The following ATP10A variants were observed in gnomAD, a reference collection of about 807,000 sequenced individuals.
ATP10A encodes phospholipid-transporting ATPase VA.
A neutral mutation model predicts 147.8 loss-of-function variants in ATP10A; 111 were observed. The observed-to-expected ratio is 0.75, with a 90% CI of 0.64 to 0.88. The LOEUF (loss-of-function observed/expected upper bound fraction) is 0.88. Among genes scored for constraint, ATP10A ranks in the 40% least tolerant of loss-of-function variants. ATP10A has a pLI of 0.00. For missense variants in ATP10A, 1,927 were observed against 1,959.0 expected (o/e 0.98, Z 0.31); for synonymous variants, 875 against 841.6 (o/e 1.04, Z -0.69).
intron 1 of ATP10A, among the ~76,000 whole-genome samples, chr15:25,785,101 C>G (rs1037472943): frequency 3.3e-5 from 5 of 152,016 alleles, no homozygotes; most frequent in Non-Finnish European, 4.4e-5. Context: ...TGCAACCACT[C>G]CAGCTGGAGC....
Position 25,730,337 on chromosome 15 carries a change from A to G in ATP10A, c.741-3071T>C, listed in dbSNP as rs1255825151. ...AAAAAAAAAAAAAAAAAGAAGAAAGAAAGAAAGGAAGGAAGGAAGGAAGGA... is the reference window on the plus strand; with the variant it reads ...AAAAAAAAAAAAAAAAAGAAGAAAGGAAGAAAGGAAGGAAGGAAGGAAGGA... On this transcript the variant is annotated intron_variant, in intron 3 of 20. Transcript: ENST00000555815. Among the ~76,000 whole-genome samples, 26 of 3,908 alleles carry G rather than the reference A, an allele frequency of 6.7e-3. No individual in the cohort carries two copies. The East Asian group carries it at 0.29, about 43-fold the overall frequency. The allele number at this position is 3,908 out of a possible 152,430, so 2.6% of individuals were successfully genotyped here.
At chr15:25,768,142 G>C (rs1360695483) in intron 2 of ATP10A, among the ~76,000 whole-genome samples, 1 of 152,148 alleles carries the variant, frequency 6.6e-6, no homozygotes, top group Non-Finnish European at 1.5e-5. Flanking sequence ...CAAGTGCTGG[G>C]CCGGCATGAC....
chr15:25,773,818 CCACACACACACA>C (rs56751876), intron 2 of ATP10A, among the ~76,000 whole-genome samples: 8 of 137,906 alleles, frequency 5.8e-5, no homozygotes, highest in East Asian at 2.0e-4. Context: ...ACCTAAACAT[CCACACACACACA>C]CACACACACA....
Position 25,679,493 on chromosome 15 carries a change from G to T in ATP10A, c.4348C>A (p.Leu1450Met). The T allele has an allele frequency of 6.2e-7, 1 of 1,613,940 alleles. No homozygotes were observed. The highest frequency in any genetic ancestry group is 2.2e-5 in the East Asian group (1 of 44,858). Residue 1450 changes from leucine to methionine, a missense_variant, in exon 21 of 21, where the codon CTG becomes ATG. Leu to Met is a conservative substitution (Grantham distance 15). Transcript: ENST00000555815. ...WISSWSLVSRLGSVLQFSRTE... is the reference protein window; with the variant it reads ...WISSWSLVSRMGSVLQFSRTE... ...CGGGAGAACTGTAAGACACTCCCCA[G>T]CCTGCTGACCAGCGACCAGGAGGAA...
intron 1 of ATP10A, among the ~76,000 whole-genome samples, chr15:25,856,606 A>G (rs999500020): frequency 6.6e-6 from 1 of 152,192 alleles, no homozygotes. Flanking sequence ...ATTTCCTATA[A>G]TAAATTAGGA....
Position 25,754,486 on chromosome 15 carries a change from T to A in ATP10A, c.655-18345A>T, listed in dbSNP as rs139340263. Among the ~76,000 whole-genome samples the A allele has an allele frequency of 2.7e-3, 411 of 152,248 alleles. 3 individuals carry two copies. The highest frequency in any genetic ancestry group is 2.1e-3 in the Non-Finnish European group (140 of 68,010). ...AAGTGGTTATTACTGCAGGAGGGCG[T>A]GAACTCCAGCTTTTGGAATTCACAG... On this transcript the variant is annotated intron_variant, in intron 2 of 20. Transcript: ENST00000555815.
chr15:25,792,739 T>G (rs1399769499), intron 1 of ATP10A, among the ~76,000 whole-genome samples: 1 of 152,066 alleles, frequency 6.6e-6, no homozygotes, highest in Non-Finnish European at 1.5e-5. Flanking sequence ...TTGTTTGGAA[T>G]GTCAATTTTG....
intron 13 of ATP10A, among the ~76,000 whole-genome samples, chr15:25,698,974 T>C (rs752538554): frequency 1.3e-5 from 2 of 151,684 alleles, no homozygotes; most frequent in East Asian, 1.9e-4. Flanking sequence ...AGATATACCA[T>C]GTTTACAGAG....
rs1357227024 is a variant in ATP10A, at chr15:25,679,742, T to C, written c.4099A>G (p.Ser1367Gly). ...TQQPVCSLEA[S>G]GEPSTVDMSM... ...ATGTCCACTGTGCTGGGCTCCCCGC[T>C]GGCCTCCAGGGAGCAGACCGGCTGC... Residue 1367 changes from serine to glycine, a missense_variant, in exon 21 of 21, where the codon AGC (serine) becomes GGC (glycine). Ser to Gly is a moderately conservative substitution (Grantham distance 56). Transcript: ENST00000555815. 2 of 1,613,416 alleles carry C rather than the reference T, an allele frequency of 1.2e-6. No homozygotes were observed. Among genetic ancestry groups the C allele is most frequent in the Non-Finnish European group, 1.7e-6 (2 of 1,179,994 alleles).
intron 1 of ATP10A, among the ~76,000 whole-genome samples, chr15:25,839,908 T>G (rs1484457892): frequency 6.6e-6 from 1 of 152,156 alleles, no homozygotes; most frequent in African/African-American, 2.4e-5. Context: ...TTTCTCTAGC[T>G]TTAAGTGCAT....
At chr15:25,822,278 AC>A (rs1432482493) in intron 1 of ATP10A, among the ~76,000 whole-genome samples, 4 of 152,182 alleles carry the variant, frequency 2.6e-5, no homozygotes, top group African/African-American at 9.7e-5. Context: ...TGTGTTATTT[AC>A]AAATATATGT....
rs1893818323 is a variant in ATP10A at position 25,862,680 on chromosome 15, C to T, written c.417G>A (p.Lys139=). The T allele has an allele frequency of 6.2e-7, 1 of 1,600,724 alleles. No homozygotes were observed. The highest frequency in any genetic ancestry group is 1.3e-5 in the African/African-American group (1 of 74,674). The change falls in exon 1 of 21, where the codon AAG becomes AAA. Residue 139 remains lysine, a synonymous_variant. Transcript: ENST00000555815. ...AGACCAGGCAGCCCAGGTGGTTGAT[C>T]TTGTGGTCGGAGCGGTGGCGGCTGT... ...EDYSRHRSDH[K]INHLGCLVFS...
chr15:25,736,104 A>G lies in ATP10A; in HGVS notation c.692T>C (p.Ile231Thr). The change falls in exon 3 of 21, where the codon ATC becomes ACC. Residue 231 changes from isoleucine to threonine, a missense_variant. Transcript: ENST00000555815. ...EFNPLTFTSV[I>T]ECEKPNNDLS... ...GTCGTTGTTTGGCTTCTCGCATTCG[A>G]TCACGCTGGTGAACGTCAAAGGATT... is the stretch of plus-strand genomic sequence containing the variant. 6.2e-7 allele frequency: 1 copy of G among 1,613,452 alleles called. No homozygotes were observed. Among genetic ancestry groups the G allele is most frequent in the Non-Finnish European group, 8.5e-7 (1 of 1,180,030 alleles).
upstream of ATP10A, among the ~76,000 whole-genome samples, chr15:25,864,285 A>T (rs779261831): frequency 6.6e-5 from 10 of 152,180 alleles, no homozygotes; most frequent in Non-Finnish European, 1.0e-4. Flanking sequence ...CCACGTCCGC[A>T]GTGAGACCCC....
intron 1 of ATP10A, among the ~76,000 whole-genome samples, chr15:25,846,859 T>A (rs938400925): frequency 6.6e-6 from 1 of 152,202 alleles, no homozygotes; most frequent in Non-Finnish European, 1.5e-5. Flanking sequence ...ATATTTTGTA[T>A]GTTTCAATAG....
At chr15:25,843,808 A>G (rs185343735) in intron 1 of ATP10A, among the ~76,000 whole-genome samples, 3 of 152,122 alleles carry the variant, frequency 2.0e-5, no homozygotes, top group Non-Finnish European at 4.4e-5. Context: ...GACCCCACTA[A>G]CTCTAGAAGC....
chr15:25,832,846 A>C (rs141669807), intron 1 of ATP10A, among the ~76,000 whole-genome samples: 2 of 152,296 alleles, frequency 1.3e-5, no homozygotes, highest in East Asian at 3.9e-4. Flanking sequence ...AAAAGAAATA[A>C]GTATTTGAGG....
chr15:25,728,100 G>C (rs1452065906), intron 3 of ATP10A, among the ~76,000 whole-genome samples: 1 of 152,158 alleles, frequency 6.6e-6, no homozygotes, highest in Non-Finnish European at 1.5e-5. Context: ...CTTCCGAGAG[G>C]CTACCTTTTC....
At chr15:25,787,014 A>G (rs1286064879) in intron 1 of ATP10A, among the ~76,000 whole-genome samples, 2 of 152,018 alleles carry the variant, frequency 1.3e-5, no homozygotes, top group Admixed American at 6.6e-5. Context: ...CCAGGCCTGC[A>G]CAGAACATTT....
Sources: allele counts gnomAD v4.1 joint callset (sites outside exome capture counted in the v4.1 genomes callset), GRCh38; gene constraint gnomAD v4.1.1; transcripts MANE v1.5; gene names NCBI Gene and HGNC (gene_info 2026-07-23, HGNC 2026-07-21).